The following MAGI2 variants were observed in gnomAD, a reference collection of about 807,000 sequenced individuals.
The protein encoded by MAGI2 is membrane-associated guanylate kinase, WW and PDZ domain-containing protein 2.
MAGI2 carries 35 observed loss-of-function variants against 133.3 expected under a neutral mutation model. That is an observed-to-expected ratio of 0.26 (90% CI 0.20 to 0.35). The LOEUF (loss-of-function observed/expected upper bound fraction) is 0.35, where lower values mean the gene tolerates loss of function less well. Ranked by LOEUF, MAGI2 falls within the 10% of genes least tolerant of loss-of-function variation. The pLI is 1.00. For synonymous variants in MAGI2, 729 were observed against 710.6 expected (o/e 1.03, Z -0.41); for missense variants, 1,636 against 1,863.4 (o/e 0.88, Z 2.25).
intron 2 of MAGI2, among the ~76,000 whole-genome samples, chr7:78,814,853 G>C (rs1478954547): frequency 6.6e-6 from 1 of 152,094 alleles, no homozygotes; most frequent in Non-Finnish European, 1.5e-5. Flanking sequence ...CTCCTGATTA[G>C]CTGTGATAAC....
intron 1 of MAGI2, among the ~76,000 whole-genome samples, chr7:79,230,772 G>A (rs572576500): frequency 2.8e-4 from 43 of 151,822 alleles, no homozygotes; most frequent in African/African-American, 3.9e-4. Context: ...AGTTTCTTTC[G>A]CTGTGCAGAA....
At chr7:78,218,616 A>G (rs1440021430) in intron 10 of MAGI2, among the ~76,000 whole-genome samples, 1 of 152,236 alleles carries the variant, frequency 6.6e-6, no homozygotes, top group East Asian at 1.9e-4. Context: ...GAAGCCTGCA[A>G]ACAATGTTGG....
intron 3 of MAGI2, among the ~76,000 whole-genome samples, chr7:78,550,433 A>T (rs1799237825): frequency 6.6e-6 from 1 of 152,196 alleles, no homozygotes; most frequent in Non-Finnish European, 1.5e-5. Context: ...GGCTCAATAC[A>T]CTTCAGAAGC....
intron 9 of MAGI2, among the ~76,000 whole-genome samples, chr7:78,257,632 G>GT (rs771002800): frequency 2.6e-5 from 4 of 152,004 alleles, no homozygotes; most frequent in Non-Finnish European, 5.9e-5. Context: ...TGAGATAAAT[G>GT]TTTTTTTAAA....
intron 4 of MAGI2, chr7:78,509,232 T>C (rs1795364123): frequency 6.6e-6 from 1 of 152,150 alleles, no homozygotes; most frequent in South Asian, 2.1e-4. Context: ...TCTGTGGGAC[T>C]AGGACTGTTA....
chr7:78,160,685 A>T (rs1333904683), intron 15 of MAGI2, among the ~76,000 whole-genome samples: 1 of 151,970 alleles, frequency 6.6e-6, no homozygotes, highest in African/African-American at 2.4e-5. Flanking sequence ...AATAAATTGT[A>T]AAAAAAAGTA....
At chr7:79,001,301 G>C (rs1307254449) in intron 2 of MAGI2, among the ~76,000 whole-genome samples, 1 of 152,076 alleles carries the variant, frequency 6.6e-6, no homozygotes, top group Non-Finnish European at 1.5e-5. Flanking sequence ...ATTTGTTCTG[G>C]CTTCAAATAA....
intron 2 of MAGI2, among the ~76,000 whole-genome samples, chr7:78,790,333 T>C (rs1449568421): frequency 6.6e-6 from 1 of 152,156 alleles, no homozygotes; most frequent in Non-Finnish European, 1.5e-5. Flanking sequence ...TTTATTTTAT[T>C]AGAATTTTAT....
intron 1 of MAGI2, among the ~76,000 whole-genome samples, chr7:79,054,345 A>T (rs542792179): frequency 4.2e-4 from 64 of 152,342 alleles, no homozygotes; most frequent in Non-Finnish European, 8.5e-4. Context: ...ATATAAATTT[A>T]TAGCTCCATA....
intron 6 of MAGI2, among the ~76,000 whole-genome samples, chr7:78,394,065 A>T (rs994404541): frequency 3.9e-5 from 6 of 152,190 alleles, no homozygotes; most frequent in African/African-American, 1.4e-4. Context: ...TATAACTCCC[A>T]TCCCAAGGCC....
chr7:78,674,046 TAA>T (rs1172054578), intron 2 of MAGI2, among the ~76,000 whole-genome samples: 2 of 152,228 alleles, frequency 1.3e-5, no homozygotes, highest in African/African-American at 2.4e-5. Context: ...TGGCTTAAAT[TAA>T]AAGAGACAAT....
At chr7:79,083,346 G>T (rs1294933486) in intron 1 of MAGI2, among the ~76,000 whole-genome samples, 3 of 149,088 alleles carry the variant, frequency 2.0e-5, no homozygotes, top group Admixed American at 1.3e-4. Flanking sequence ...TAGGTTGAGG[G>T]TATTCTCTTC....
At position 78,479,879 on chromosome 7, in the gene MAGI2, C is replaced by CA. The variant is rs552418338; in HGVS notation, c.1045+9881dup. 2.4e-3 allele frequency among the ~76,000 whole-genome samples: 362 copies of CA among 151,418 alleles called. 1 individual carries two copies. Among genetic ancestry groups the CA allele is most frequent in the Non-Finnish European group, 3.0e-3 (205 of 67,730 alleles). On this transcript the variant is annotated intron_variant, in intron 6 of 21. Transcript: ENST00000354212. ...CAAGCAATTATGAATTCTCTTGAAACAAAAAATCTCAGTAAAGAAATGGAA... is the reference window on the plus strand; with the variant it reads ...CAAGCAATTATGAATTCTCTTGAAACAAAAAAATCTCAGTAAAGAAATGGAA...
At chr7:78,164,253 G>A (rs1414010406) in intron 15 of MAGI2, among the ~76,000 whole-genome samples, 4 of 149,614 alleles carry the variant, frequency 2.7e-5, no homozygotes, top group Non-Finnish European at 6.0e-5. Context: ...GATGTGCCTG[G>A]GTCTCTTCTC....
chr7:79,188,847 T>C (rs1341970438), intron 1 of MAGI2, among the ~76,000 whole-genome samples: 1 of 151,848 alleles, frequency 6.6e-6, no homozygotes, highest in Non-Finnish European at 1.5e-5. Flanking sequence ...CCATTACTAG[T>C]ATTTGGTCTT....
chr7:78,503,114 A>G (rs1432235344), intron 4 of MAGI2, among the ~76,000 whole-genome samples: 2 of 152,192 alleles, frequency 1.3e-5, no homozygotes, highest in African/African-American at 4.8e-5. Flanking sequence ...CTAAGCGCAA[A>G]GAGAGGGTAA....
At chr7:79,340,843 C>A (rs937165583) in intron 1 of MAGI2, among the ~76,000 whole-genome samples, 1 of 152,058 alleles carries the variant, frequency 6.6e-6, no homozygotes, top group African/African-American at 2.4e-5. Flanking sequence ...TACAAACTTG[C>A]ATCCCTAGGA....
At position 78,910,675 on chromosome 7, in the gene MAGI2, C is replaced by T. The variant is rs114165500; in HGVS notation, c.418+96415G>A. Among the ~76,000 whole-genome samples, 824 of 152,198 alleles carry T rather than the reference C, an allele frequency of 5.4e-3. 2 individuals carry two copies. The highest frequency in any genetic ancestry group is 0.019 in the African/African-American group (790 of 41,528). On this transcript the variant is annotated intron_variant, in intron 2 of 21. Coordinates refer to ENST00000354212, the MANE Select transcript of MAGI2 (RefSeq NM_012301.4). The stretch of plus-strand genomic sequence containing the variant: ...ATTCCAACTTCCTAACGTGGGAAAA[C>T]GGTACTGGTTAGTTTGGTAAATGTT...
chr7:78,608,948 C>T (rs1052138600), intron 3 of MAGI2, among the ~76,000 whole-genome samples: 2 of 152,110 alleles, frequency 1.3e-5, no homozygotes, highest in Admixed American at 1.3e-4. Context: ...CAAGGTCCCA[C>T]AATAGACTGC....
Sources: allele counts gnomAD v4.1 joint callset (sites outside exome capture counted in the v4.1 genomes callset), GRCh38; gene constraint gnomAD v4.1.1; transcripts MANE v1.5; gene names NCBI Gene and HGNC (gene_info 2026-07-23, HGNC 2026-07-21).